The following EIF4E3 variants were observed in gnomAD, a reference collection of about 807,000 sequenced individuals.
The protein encoded by EIF4E3 is eukaryotic translation initiation factor 4E family member 3.
Under a neutral mutation model 31.7 loss-of-function variants are expected in EIF4E3, and 26 were observed. The observed-to-expected ratio is 0.82, with a 90% CI of 0.60 to 1.14. EIF4E3 has a LOEUF of 1.14. Ranked by LOEUF, EIF4E3 falls within the 50% of genes most tolerant of loss-of-function variation. The probability of loss-of-function intolerance (pLI) is 0.00; values close to 1 mark genes in which losing one functional copy is unlikely to be tolerated. For missense variants in EIF4E3, 304 were observed against 270.9 expected (o/e 1.12, Z -0.86); for synonymous variants, 128 against 107.7 (o/e 1.19, Z -1.17).
intron 1 of EIF4E3, among the ~76,000 whole-genome samples, chr3:71,734,135 T>G (rs2049737029): frequency 6.6e-6 from 1 of 152,228 alleles, no homozygotes; most frequent in South Asian, 2.1e-4. Flanking sequence ...TTATGGTATT[T>G]GCTTTAAATT....
intron 1 of EIF4E3, among the ~76,000 whole-genome samples, chr3:71,737,739 A>G (rs146347636): frequency 6.6e-6 from 1 of 152,262 alleles, no homozygotes; most frequent in Non-Finnish European, 1.5e-5. Context: ...CGGCCTGGGT[A>G]GCATAGCAAG....
chr3:71,707,871 C>CT (rs35421624), intron 2 of EIF4E3, among the ~76,000 whole-genome samples: 12,423 of 133,234 alleles, frequency 0.093, 643 homozygotes, highest in Non-Finnish European at 0.11. Context: ...CTAATTCATT[C>CT]TTTTTTTTTT....
rs1023844038 is a variant in EIF4E3 at position 71,680,047 on chromosome 3, G to A, written c.*4635C>T. 1 of 152,094 alleles carries A rather than the reference G, an allele frequency of 6.6e-6. No individual in the cohort carries two copies. Among genetic ancestry groups the A allele is most frequent in the African/African-American group, 2.4e-5 (1 of 41,406 alleles). The allele number at this position is 152,094 out of a possible 1,614,324, so 9.4% of individuals were successfully genotyped here. A position where few individuals can be genotyped will look rare whatever the true frequency, so the allele number is the denominator to read the frequency against. ...AAGGCTTTATATTATGGACTTCCAG[G>A]GATGGGCTCCCATGACTGCTGTGGT... On this transcript the variant is annotated 3_prime_UTR_variant, in exon 7 of 7. Transcript: ENST00000425534.
At chr3:71,724,288 G>C (rs1013835503) in intron 1 of EIF4E3, among the ~76,000 whole-genome samples, 1 of 152,146 alleles carries the variant, frequency 6.6e-6, no homozygotes, top group Non-Finnish European at 1.5e-5. Flanking sequence ...CACAGTTCTA[G>C]GTCCAAAATG....
At chr3:71,718,812 C>G (rs1322728775) in intron 1 of EIF4E3, among the ~76,000 whole-genome samples, 1 of 152,202 alleles carries the variant, frequency 6.6e-6, no homozygotes, top group Non-Finnish European at 1.5e-5. Context: ...CAGGGCCTTG[C>G]CCTGCCAGAT....
chr3:71,678,210 A>C lies in EIF4E3; in HGVS notation c.*6472T>G, dbSNP rs928807089. On this transcript the variant is annotated 3_prime_UTR_variant, in exon 7 of 7. Transcript: ENST00000425534. Reference sequence around the variant, plus strand: ...TGATGTGGTTGATTAAACTGCATGAAATTTTTAAACTGGAGGATGAAAATG... The same window carrying C: ...TGATGTGGTTGATTAAACTGCATGACATTTTTAAACTGGAGGATGAAAATG... The C allele has an allele frequency of 1.3e-5, 2 of 152,218 alleles. No homozygotes were observed. Among genetic ancestry groups the C allele is most frequent in the Non-Finnish European group, 2.9e-5 (2 of 68,028 alleles). 9.4% of individuals were successfully genotyped at this position (152,218 alleles called of 1,614,324 possible).
the EIF4E3 span, among the ~76,000 whole-genome samples, chr3:71,661,913 C>T: frequency 3.9e-5 from 6 of 152,156 alleles, no homozygotes; most frequent in Admixed American, 3.9e-4. Flanking sequence ...TCAAAGTGTC[C>T]GTATTTGAAT....
At chr3:71,747,567 G>A (rs2049886485) in intron 1 of EIF4E3, among the ~76,000 whole-genome samples, 2 of 151,982 alleles carry the variant, frequency 1.3e-5, no homozygotes, top group African/African-American at 2.4e-5. Flanking sequence ...TTCTGTAGGC[G>A]GGCCTTTCAT....
intron 1 of EIF4E3, among the ~76,000 whole-genome samples, chr3:71,714,007 T>C (rs1380304570): frequency 6.6e-6 from 1 of 152,038 alleles, no homozygotes; most frequent in Non-Finnish European, 1.5e-5. Context: ...GGTCAGGTGT[T>C]CGAGACCAGC....
At chr3:71,673,266 A>C (rs1410113966), downstream of EIF4E3, among the ~76,000 whole-genome samples, 1 of 152,250 alleles carries the variant, frequency 6.6e-6, no homozygotes, top group Non-Finnish European at 1.5e-5. Flanking sequence ...AGCAATCTTT[A>C]TACATTCCAC....
chr3:71,708,833 G>A (rs765627824), intron 2 of EIF4E3, among the ~76,000 whole-genome samples: 5 of 152,286 alleles, frequency 3.3e-5, no homozygotes, highest in East Asian at 1.9e-4. Flanking sequence ...CTCTTAGCGC[G>A]TTGATTTCTC....
downstream of EIF4E3, among the ~76,000 whole-genome samples, chr3:71,672,632 G>C (rs73837538): frequency 0.015 from 2,251 of 152,282 alleles, 56 homozygotes; most frequent in African/African-American, 0.052. Flanking sequence ...TTGTCATCAA[G>C]TAAAACGTGT....
intron 2 of EIF4E3, among the ~76,000 whole-genome samples, chr3:71,700,612 TAAAAAA>T (rs377334249): frequency 2.4e-5 from 3 of 127,340 alleles, no homozygotes; most frequent in Admixed American, 8.3e-5. Flanking sequence ...AGACTCCGTT[TAAAAAA>T]AAAAAAAAAA....
At chr3:71,694,762 TG>T (rs1362012382) in intron 4 of EIF4E3, among the ~76,000 whole-genome samples, 1 of 152,206 alleles carries the variant, frequency 6.6e-6, no homozygotes, top group Non-Finnish European at 1.5e-5. Flanking sequence ...ACAACCTCTC[TG>T]GTCATCAGTT....
At position 71,681,050 on chromosome 3, in the gene EIF4E3, G is replaced by C. The variant is rs2048916450; in HGVS notation, c.*3632C>G. The C allele has an allele frequency of 6.6e-6, 1 of 152,138 alleles. No homozygotes were observed. Among genetic ancestry groups the C allele is most frequent in the Non-Finnish European group, 1.5e-5 (1 of 68,020 alleles). 9.4% of individuals were successfully genotyped at this position (152,138 alleles called of 1,614,324 possible). A position where few individuals can be genotyped will look rare whatever the true frequency, so the allele number is the denominator to read the frequency against. On this transcript the variant is annotated 3_prime_UTR_variant, in exon 7 of 7. Coordinates refer to ENST00000425534, the MANE Select transcript of EIF4E3 (RefSeq NM_001134651.2). ...TATTTTCCATATCTCCTATATGTGA[G>C]TTTATTTTATTCTTTTTCTTCCCAA...
intron 1 of EIF4E3, among the ~76,000 whole-genome samples, chr3:71,730,620 T>G (rs1313796911): frequency 1.3e-5 from 2 of 152,198 alleles, no homozygotes; most frequent in African/African-American, 4.8e-5. Context: ...CCTTGAGGTT[T>G]GGTTGTCCCA....
upstream of EIF4E3, among the ~76,000 whole-genome samples, chr3:71,729,798 A>ATGTGTGTG (rs3066626): frequency 0.095 from 12,277 of 129,578 alleles, 780 homozygotes; most frequent in South Asian, 0.21. Flanking sequence ...TTCCAATAGA[A>ATGTGTGTG]TGTGTGTGTG....
intron 1 of EIF4E3, among the ~76,000 whole-genome samples, chr3:71,716,452 C>A (rs1055074895): frequency 6.6e-6 from 1 of 152,198 alleles, no homozygotes; most frequent in African/African-American, 2.4e-5. Flanking sequence ...CCAGGATGGT[C>A]TCGATCTCCT....
intron 2 of EIF4E3, among the ~76,000 whole-genome samples, chr3:71,709,238 T>G (rs775353148): frequency 6.6e-6 from 1 of 152,154 alleles, no homozygotes; most frequent in Non-Finnish European, 1.5e-5. Context: ...TCTAGAAAAT[T>G]TATGGACATA....
Sources: allele counts gnomAD v4.1 joint callset (sites outside exome capture counted in the v4.1 genomes callset), GRCh38; gene constraint gnomAD v4.1.1; transcripts MANE v1.5; gene names NCBI Gene and HGNC (gene_info 2026-07-23, HGNC 2026-07-21).